Variants in PCCA observed in about 807,000 individuals in gnomAD.
PCCA encodes propionyl-CoA carboxylase subunit alpha.
In PCCA, 74 loss-of-function variants were observed where a neutral mutation model predicts 101.3. That is an observed-to-expected ratio of 0.73 (90% CI 0.61 to 0.89). PCCA has a LOEUF of 0.89. PCCA is among the 40% of genes least tolerant of loss of function. The pLI is 0.00. For missense variants in PCCA, 891 were observed against 907.0 expected (o/e 0.98, Z 0.23); for synonymous variants, 294 against 313.6 (o/e 0.94, Z 0.66).
At chr13:100,297,537 G>A (rs2065652975) in intron 12 of PCCA, among the ~76,000 whole-genome samples, 2 of 152,156 alleles carry the variant, frequency 1.3e-5, no homozygotes, top group South Asian at 2.1e-4. Context: ...GACAAGCTTG[G>A]TTATATTTTG....
chr13:100,382,555 C>A (rs1479136839), intron 19 of PCCA, among the ~76,000 whole-genome samples: 1 of 152,174 alleles, frequency 6.6e-6, no homozygotes, highest in African/African-American at 2.4e-5. Flanking sequence ...ATTTCTCTGC[C>A]TCCTGTCTCT....
chr13:100,453,668 G>A (rs2081500470), intron 21 of PCCA, among the ~76,000 whole-genome samples: 1 of 151,694 alleles, frequency 6.6e-6, no homozygotes, highest in Non-Finnish European at 1.5e-5. Context: ...AGATTTCCTG[G>A]CTCTCAGTTC....
intron 21 of PCCA, among the ~76,000 whole-genome samples, chr13:100,456,586 G>T (rs889388102): frequency 6.6e-6 from 1 of 152,174 alleles, no homozygotes; most frequent in Non-Finnish European, 1.5e-5. Flanking sequence ...TCTTCTAAGT[G>T]ATTGACAAGG....
intron 22 of PCCA, among the ~76,000 whole-genome samples, chr13:100,521,265 G>T (rs1339871667): frequency 1.3e-5 from 2 of 152,218 alleles, no homozygotes; most frequent in Non-Finnish European, 2.9e-5. Flanking sequence ...GTTCTGGGGA[G>T]CCCCACTTGA....
At chr13:100,437,408 A>G (rs2080017221) in intron 20 of PCCA, among the ~76,000 whole-genome samples, 1 of 149,936 alleles carries the variant, frequency 6.7e-6, no homozygotes, top group Admixed American at 6.7e-5. Flanking sequence ...AACTCTTGAA[A>G]ATAATTAAAA....
At chr13:100,115,074 C>T (rs112026716) in intron 4 of PCCA, among the ~76,000 whole-genome samples, 9 of 152,218 alleles carry the variant, frequency 5.9e-5, no homozygotes, top group African/African-American at 9.6e-5. Flanking sequence ...TACATATGTA[C>T]GGTACCATTC....
chr13:100,529,968 GGTGGC>G, intron 23 of PCCA, 125 bp from the exon 24 acceptor site: 1 of 699,754 alleles, frequency 1.4e-6, no homozygotes, highest in Non-Finnish European at 2.6e-6. Context: ...GGTGGGGTGG[GGTGGC>G]TTGTCCCTGT....
At chr13:100,163,993 A>G (rs2054774803) in intron 6 of PCCA, among the ~76,000 whole-genome samples, 1 of 85,446 alleles carries the variant, frequency 1.2e-5, no homozygotes, top group Non-Finnish European at 3.2e-5. Flanking sequence ...TTGCGATCAT[A>G]TAGTCCATCC....
intron 18 of PCCA, among the ~76,000 whole-genome samples, chr13:100,362,090 C>T (rs2152802631): frequency 6.6e-6 from 1 of 152,238 alleles, no homozygotes; most frequent in Admixed American, 6.5e-5. Context: ...TATTCAACAA[C>T]ATGGATGGAT....
intron 20 of PCCA, among the ~76,000 whole-genome samples, chr13:100,448,045 G>A (rs2080964842): frequency 6.6e-6 from 1 of 152,158 alleles, no homozygotes. Flanking sequence ...CTCTACATCT[G>A]GGAACTTAAA....
At chr13:100,127,080 G>A (rs553135933) in intron 4 of PCCA, among the ~76,000 whole-genome samples, 1 of 152,184 alleles carries the variant, frequency 6.6e-6, no homozygotes, top group East Asian at 1.9e-4. Context: ...GCCACCCGGA[G>A]TTAAAGGTAA....
At chr13:100,354,567 T>C (rs1045775390) in intron 18 of PCCA, among the ~76,000 whole-genome samples, 9 of 151,902 alleles carry the variant, frequency 5.9e-5, no homozygotes, top group Non-Finnish European at 1.3e-4. Flanking sequence ...AAAAGCAAAA[T>C]GTGTTTGTTG....
intron 18 of PCCA, among the ~76,000 whole-genome samples, chr13:100,342,307 A>G (rs1429537467): frequency 6.6e-6 from 1 of 152,070 alleles, no homozygotes; most frequent in Non-Finnish European, 1.5e-5. Context: ...TCTGTCGCCC[A>G]GGCTGGAGTG....
chr13:100,365,817 T>C (rs1316205679), intron 18 of PCCA, among the ~76,000 whole-genome samples: 1 of 151,914 alleles, frequency 6.6e-6, no homozygotes, highest in Non-Finnish European at 1.5e-5. Flanking sequence ...CAGATATTGT[T>C]ACAATCTTTT....
rs554170056 is a variant in PCCA at position 100,446,659 on chromosome 13, G to A, written c.1846-2593G>A. ...TCCGTTCTTAACTGAGTCTCCCTAA[G>A]ACACAGGAAAGGAGTCTATTTTATT... is the stretch of plus-strand genomic sequence containing the variant. On this transcript the variant is annotated intron_variant, in intron 20 of 23. Transcript: ENST00000376285. Among the ~76,000 whole-genome samples the A allele has an allele frequency of 2.0e-5, 3 of 152,234 alleles. No individual in the cohort carries two copies. In the East Asian group the frequency reaches 5.8e-4, roughly 29 times the overall value.
chr13:100,507,679 CAG>C (rs1244091674), intron 21 of PCCA, among the ~76,000 whole-genome samples: 1 of 152,108 alleles, frequency 6.6e-6, no homozygotes, highest in African/African-American at 2.4e-5. Context: ...TTTCTTGAGA[CAG>C]AGTCTCGCAC....
chr13:100,227,046 C>A (rs1442611292), intron 7 of PCCA, among the ~76,000 whole-genome samples: 1 of 152,198 alleles, frequency 6.6e-6, no homozygotes, highest in Non-Finnish European at 1.5e-5. Flanking sequence ...CTCTGTCGCC[C>A]ATACTGGAGT....
At chr13:100,454,872 A>T (rs2081593037) in intron 21 of PCCA, among the ~76,000 whole-genome samples, 2 of 152,330 alleles carry the variant, frequency 1.3e-5, no homozygotes, top group South Asian at 4.1e-4. Context: ...TCAGTAAAAC[A>T]AATCTCATTA....
At chr13:100,442,158 C>T (rs1320402740) in intron 20 of PCCA, among the ~76,000 whole-genome samples, 1 of 151,826 alleles carries the variant, frequency 6.6e-6, no homozygotes, top group African/African-American at 2.4e-5. Flanking sequence ...CATGCCCGGC[C>T]AATTTTTGTA....
Sources: gnomAD v4.1 joint callset for allele counts (sites outside exome capture counted in the v4.1 genomes callset) on GRCh38, gnomAD v4.1.1 for gene constraint, MANE v1.5 for transcripts, NCBI Gene and HGNC (gene_info 2026-07-23, HGNC 2026-07-21) for gene names.